The following RAB44 variants were observed in gnomAD, a reference collection of about 807,000 sequenced individuals.
RAB44 encodes RAB44, member RAS oncogene family.
In RAB44, 67 loss-of-function variants were observed where a neutral mutation model predicts 93.3. The observed-to-expected ratio is 0.72, with a 90% confidence interval of 0.59 to 0.88. The LOEUF (loss-of-function observed/expected upper bound fraction) is 0.88. Ranked by LOEUF, RAB44 falls within the 40% of genes least tolerant of loss-of-function variation. The pLI is 0.00. For missense variants in RAB44, 1,064 were observed against 1,261.7 expected (o/e 0.84, Z 2.37); for synonymous variants, 427 against 520.3 (o/e 0.82, Z 2.44).
At chr6:36,729,039 C>T (rs1041244045) in intron 12 of RAB44, among the ~76,000 whole-genome samples, 3 of 152,156 alleles carry the variant, frequency 2.0e-5, no homozygotes, top group East Asian at 1.9e-4. Context: ...GAGTGGCGGG[C>T]GTGACACTGA....
chr6:36,721,086 G>A (rs777440864), intron 8 of RAB44, 65 bp from the exon 9 acceptor site: 50 of 1,227,122 alleles, frequency 4.1e-5, no homozygotes, highest in East Asian at 1.3e-4. Flanking sequence ...AGGGCTGCAG[G>A]TGGGATGGGT....
chr6:36,705,401 T>TCCCC (rs1762622996), intron 2 of RAB44, among the ~76,000 whole-genome samples: 2 of 73,912 alleles, frequency 2.7e-5, no homozygotes, highest in East Asian at 4.0e-4. Flanking sequence ...CCTCCCTCCC[T>TCCCC]CCCTCCCTTC....
At chr6:36,710,267 T>C (rs1402261426) in intron 2 of RAB44, among the ~76,000 whole-genome samples, 1 of 152,222 alleles carries the variant, frequency 6.6e-6, no homozygotes, top group Non-Finnish European at 1.5e-5. Flanking sequence ...CTTTGATTAC[T>C]CTAGATACCT....
chr6:36,708,877 A>C (rs1390822573), intron 2 of RAB44, among the ~76,000 whole-genome samples: 1 of 151,798 alleles, frequency 6.6e-6, no homozygotes, highest in African/African-American at 2.4e-5. Flanking sequence ...CTTTAATAGA[A>C]TATGTGGCCA....
intron 9 of RAB44, among the ~76,000 whole-genome samples, chr6:36,724,652 T>TCAAC (rs76700851): frequency 0.21 from 31,454 of 148,848 alleles, 3,418 homozygotes; most frequent in South Asian, 0.34. Flanking sequence ...AACCAACCAA[T>TCAAC]CAACCAACCA....
chr6:36,707,533 A>G (rs1582615032), intron 2 of RAB44, among the ~76,000 whole-genome samples: 1 of 151,862 alleles, frequency 6.6e-6, no homozygotes, highest in East Asian at 1.9e-4. Context: ...AACACCATGT[A>G]ATCAATTATT....
At chr6:36,705,400 C>G (rs1433333081) in intron 2 of RAB44, among the ~76,000 whole-genome samples, 1 of 147,344 alleles carries the variant, frequency 6.8e-6, no homozygotes, top group Non-Finnish European at 1.5e-5. Context: ...CCCTCCCTCC[C>G]TCCCTCCCTT....
At position 36,732,425 on chromosome 6, in the gene RAB44, G is replaced by GGGT. The variant is rs374852059; in HGVS notation, c.*334_*335insTGG. The GGGT allele has an allele frequency of 0.41, 65,966 of 160,760 alleles. 14,987 individuals are homozygous for GGGT. Among genetic ancestry groups the GGGT allele is most frequent in the Non-Finnish European group, 0.48 (36,321 of 74,938 alleles). The allele number at this position is 160,760 out of a possible 1,614,324, so 10.0% of individuals were successfully genotyped here. ...TAAAATTTTAGGGAGAATGTGGGGGGGGGGTGTTACTTTCCATTTTACACA... is the reference window on the plus strand; with the variant it reads ...TAAAATTTTAGGGAGAATGTGGGGGGGGTGGGGTGTTACTTTCCATTTTACACA... On this transcript the variant is annotated 3_prime_UTR_variant, in exon 14 of 14. Transcript: ENST00000612677.
intron 10 of RAB44, among the ~76,000 whole-genome samples, chr6:36,726,500 C>A (rs1297529192): frequency 1.3e-5 from 2 of 152,170 alleles, no homozygotes; most frequent in Non-Finnish European, 2.9e-5. Flanking sequence ...GCCTCGGCCT[C>A]CCAAAGTGCT....
chr6:36,729,267 T>G (rs1763306054), intron 12 of RAB44, among the ~76,000 whole-genome samples: 2 of 152,174 alleles, frequency 1.3e-5, no homozygotes, highest in African/African-American at 4.8e-5. Context: ...TGCCAGACAG[T>G]GAACACTATC....
At chr6:36,723,692 G>C (rs753606439) in intron 9 of RAB44, among the ~76,000 whole-genome samples, 1 of 151,836 alleles carries the variant, frequency 6.6e-6, no homozygotes, top group African/African-American at 2.4e-5. Flanking sequence ...AAAATTAGCC[G>C]GGCATGGTGG....
At chr6:36,728,842 G>C (rs550474447) in intron 12 of RAB44, 41 bp downstream of exon 12, 33 of 1,465,654 alleles carry the variant, frequency 2.3e-5, no homozygotes, top group East Asian at 1.7e-4. Context: ...GCGTGGACTG[G>C]GCAGACACCT....
intron 2 of RAB44, 50 bp from the exon 3 acceptor site, chr6:36,713,778 G>T: frequency 8.4e-7 from 1 of 1,183,858 alleles, no homozygotes; most frequent in South Asian, 1.3e-5. Context: ...TTTGGAGGGT[G>T]AGAGCCTTCC....
rs994864186 is a variant in RAB44 at position 36,721,247 on chromosome 6, C to G, written c.1113C>G (p.Asp371Glu). Residue 371 changes from aspartate to glutamate, a missense_variant, in exon 9 of 14, where the codon GAC (aspartate) becomes GAG (glutamate). By Grantham distance (45) the Asp-to-Glu change is conservative (BLOSUM62 2). Transcript: ENST00000612677. ...PGLFGDNDDW[D>E]QLLSNFGSPP... is the part of the protein sequence containing the mutation. Reference sequence around the variant, plus strand: ...TATTTGGGGACAACGATGACTGGGACCAGCTACTGAGCAACTTTGGCAGCC... The same window carrying G: ...TATTTGGGGACAACGATGACTGGGAGCAGCTACTGAGCAACTTTGGCAGCC... The G allele has an allele frequency of 2.6e-5, 32 of 1,234,148 alleles. No individual in the cohort carries two copies. Among genetic ancestry groups the G allele is most frequent in the Non-Finnish European group, 3.1e-5 (31 of 988,262 alleles). The allele number at this position is 1,234,148 out of a possible 1,614,324, so 76.4% of individuals were successfully genotyped here.
Position 36,718,488 on chromosome 6 carries a change from C to T in RAB44, c.733-5C>T. The stretch of plus-strand genomic sequence containing the variant: ...GGGTGAGGGCTGAATCTACCTACTC[C>T]ACAGAGCGACTCTCGGGGCCTGGCC... On this transcript the variant is annotated splice_region_variant and splice_polypyrimidine_tract_variant and intron_variant, in intron 6 of 13. Transcript: ENST00000612677. 5 of 1,225,546 alleles carry T rather than the reference C, an allele frequency of 4.1e-6. No homozygotes were observed. The highest frequency in any genetic ancestry group is 4.1e-6 in the Non-Finnish European group (4 of 981,098). 75.9% of individuals were successfully genotyped at this position (1,225,546 alleles called of 1,614,324 possible).
chr6:36,727,679 A>G lies in RAB44; in HGVS notation c.2784A>G (p.Leu928=), dbSNP rs763059104. ...GCTTTGCCCACGTGCGCTACTGGCT[A>G]GACTGTCTCCAGGTGAGCAGATGGC... ...QESFAHVRYW[L]DCLQDAGSDG... The change falls in exon 11 of 14, where the codon CTA becomes CTG. Residue 928 remains leucine (L), a synonymous_variant. Transcript: ENST00000612677. 4 of 1,549,992 alleles carry G rather than the reference A, an allele frequency of 2.6e-6. No homozygotes were observed. The South Asian group carries it at 4.8e-5, about 18-fold the overall frequency.
Position 36,721,195 on chromosome 6 carries a change from C to T in RAB44, c.1061C>T (p.Ser354Phe), listed in dbSNP as rs1442554360. Residue 354 changes from serine (S) to phenylalanine (F), a missense_variant, in exon 9 of 14, where the codon TCC becomes TTC. Ser to Phe is a radical substitution (Grantham distance 155). Coordinates refer to ENST00000612677, the MANE Select transcript of RAB44 (RefSeq NM_001257357.2). Reference protein sequence around the residue: ...GEKTPDPQAASPEEAPLPGLF... With the variant: ...GEKTPDPQAAFPEEAPLPGLF... Reference sequence around the variant, plus strand: ...AAGACCCCAGACCCTCAGGCTGCCTCCCCTGAGGAGGCCCCCCTGCCTGGG... The same window carrying T: ...AAGACCCCAGACCCTCAGGCTGCCTTCCCTGAGGAGGCCCCCCTGCCTGGG... 3.2e-6 allele frequency: 4 copies of T among 1,234,268 alleles called. No individual in the cohort carries two copies. Among genetic ancestry groups the T allele is most frequent in the Admixed American group, 4.2e-5 (1 of 23,708 alleles). 76.5% of individuals were successfully genotyped at this position (1,234,268 alleles called of 1,614,324 possible). A position where few individuals can be genotyped will look rare whatever the true frequency, so the allele number is the denominator to read the frequency against.
chr6:36,729,930 G>A (rs949663832), intron 12 of RAB44, among the ~76,000 whole-genome samples: 11 of 152,158 alleles, frequency 7.2e-5, no homozygotes, highest in Non-Finnish European at 5.9e-5. Flanking sequence ...GTTTATATGA[G>A]GGTTTTCAAA....
chr6:36,713,804 GC>G (rs777431512), intron 2 of RAB44, 23 bp from the exon 3 acceptor site: 25 of 1,465,628 alleles, frequency 1.7e-5, no homozygotes, highest in Non-Finnish European at 9.2e-6. Context: ...GGGAACACCT[GC>G]CCAACTTGCC....
Sources: allele counts gnomAD v4.1 joint callset (sites outside exome capture counted in the v4.1 genomes callset), GRCh38; gene constraint gnomAD v4.1.1; transcripts MANE v1.5; gene names NCBI Gene and HGNC (gene_info 2026-07-23, HGNC 2026-07-21).